SHISA9: variants seen among roughly 807,000 people sequenced by gnomAD.
SHISA9 encodes shisa family member 9.
SHISA9 carries 13 observed loss-of-function variants against 38.0 expected under a neutral mutation model. The ratio of observed to expected loss-of-function variants is 0.34; its 90% CI spans 0.22 to 0.54. SHISA9 has a LOEUF of 0.54. Ranked by LOEUF, SHISA9 falls within the 20% of genes least tolerant of loss-of-function variation. The pLI is 0.91. For missense variants in SHISA9, 538 were observed against 575.8 expected (o/e 0.93, Z 0.67); for synonymous variants, 275 against 242.0 (o/e 1.14, Z -1.27).
intron 2 of SHISA9, among the ~76,000 whole-genome samples, chr16:13,125,469 C>T (rs190123155): frequency 6.6e-5 from 10 of 152,212 alleles, no homozygotes; most frequent in Non-Finnish European, 1.2e-4. Flanking sequence ...TCCTGGCAAA[C>T]GAGGGGTGGT....
the SHISA9 span, among the ~76,000 whole-genome samples, chr16:13,367,671 T>G: frequency 6.8e-6 from 1 of 148,056 alleles, no homozygotes; most frequent in African/African-American, 2.5e-5. Flanking sequence ...AATGAAGATG[T>G]TTCCTGAAGT....
chr16:13,375,765 A>G, the SHISA9 span, among the ~76,000 whole-genome samples: 2 of 152,232 alleles, frequency 1.3e-5, no homozygotes, highest in Admixed American at 1.3e-4. Context: ...AAAGCAACTA[A>G]AGAAGACCTA....
intron 2 of SHISA9, among the ~76,000 whole-genome samples, chr16:13,105,488 A>C (rs2073917321): frequency 6.6e-6 from 1 of 152,128 alleles, no homozygotes; most frequent in East Asian, 1.9e-4. Flanking sequence ...CTTCTCATAG[A>C]GAGGCTTAGA....
chr16:13,497,696 AAAAAAG>A, the SHISA9 span, among the ~76,000 whole-genome samples: 42 of 133,336 alleles, frequency 3.1e-4, no homozygotes, highest in Middle Eastern at 3.9e-3. Context: ...AAAAAAAAAA[AAAAAAG>A]AAAAAAGAAA....
At chr16:13,035,732 T>C (rs1012486268) in intron 2 of SHISA9, among the ~76,000 whole-genome samples, 11 of 152,172 alleles carry the variant, frequency 7.2e-5, no homozygotes, top group Admixed American at 5.9e-4. Context: ...GGTTTTGCCA[T>C]GTTGGCCAGG....
chr16:13,073,748 AG>A (rs1218959998), intron 2 of SHISA9, among the ~76,000 whole-genome samples: 1 of 152,110 alleles, frequency 6.6e-6, no homozygotes, highest in African/African-American at 2.4e-5. Context: ...TTAGAAGAAA[AG>A]GGGAGAGGAT....
intron 2 of SHISA9, among the ~76,000 whole-genome samples, chr16:13,119,763 C>A (rs1030211442): frequency 1.3e-5 from 2 of 152,154 alleles, no homozygotes; most frequent in African/African-American, 4.8e-5. Context: ...ATGGATCTTA[C>A]GTTTAGCTCA....
chr16:12,979,925 C>T (rs933731927), intron 2 of SHISA9, among the ~76,000 whole-genome samples: 1 of 152,090 alleles, frequency 6.6e-6, no homozygotes, highest in African/African-American at 2.4e-5. Flanking sequence ...TATCTATTCT[C>T]AAACTTTAAT....
chr16:12,910,757 G>T (rs1466693712), intron 1 of SHISA9: 3 of 976,518 alleles, frequency 3.1e-6, no homozygotes. Flanking sequence ...TAGAGAAACA[G>T]AACAAATATA....
intron 2 of SHISA9, among the ~76,000 whole-genome samples, chr16:12,972,082 T>C (rs1332572103): frequency 7.0e-6 from 1 of 143,852 alleles, no homozygotes; most frequent in African/African-American, 2.6e-5. Flanking sequence ...TGTGTGTGTG[T>C]TGAGAGGGGC....
At chr16:13,494,863 T>C in the SHISA9 span, among the ~76,000 whole-genome samples, 1 of 152,184 alleles carries the variant, frequency 6.6e-6, no homozygotes, top group Non-Finnish European at 1.5e-5. Context: ...ACAACCCAAA[T>C]GTCCTTTAAT....
At chr16:12,984,926 C>G (rs1315043848) in intron 2 of SHISA9, among the ~76,000 whole-genome samples, 1 of 152,126 alleles carries the variant, frequency 6.6e-6, no homozygotes, top group Admixed American at 6.5e-5. Flanking sequence ...ACTCTGAAGC[C>G]TAATGTATGT....
chr16:12,970,513 T>A (rs1207120550), intron 2 of SHISA9, among the ~76,000 whole-genome samples: 6 of 68,682 alleles, frequency 8.7e-5, no homozygotes, highest in African/African-American at 2.9e-4. Context: ...TTTTTTTTTT[T>A]TTTTTTTTTT....
intron 2 of SHISA9, among the ~76,000 whole-genome samples, chr16:13,184,269 C>G (rs1346457183): frequency 6.6e-6 from 1 of 152,174 alleles, no homozygotes; most frequent in Non-Finnish European, 1.5e-5. Flanking sequence ...TGTTTCCAGA[C>G]TCTATCACCG....
chr16:13,551,119 A>C, the SHISA9 span, among the ~76,000 whole-genome samples: 3 of 138,712 alleles, frequency 2.2e-5, no homozygotes, highest in Non-Finnish European at 3.1e-5. Context: ...GAGAGACTCC[A>C]TCTCGAAAAA....
intron 2 of SHISA9, among the ~76,000 whole-genome samples, chr16:13,006,367 A>G (rs1478767490): frequency 6.6e-6 from 1 of 152,136 alleles, no homozygotes; most frequent in African/African-American, 2.4e-5. Context: ...AAGGGTCTCC[A>G]TCCACTGCCA....
the SHISA9 span, among the ~76,000 whole-genome samples, chr16:13,460,367 A>G: frequency 2.6e-5 from 4 of 152,180 alleles, no homozygotes; most frequent in African/African-American, 9.7e-5. Flanking sequence ...TGTGCTGGAA[A>G]CTTTATGCTC....
intron 2 of SHISA9, among the ~76,000 whole-genome samples, chr16:13,110,923 C>G (rs2073972150): frequency 6.6e-6 from 1 of 152,200 alleles, no homozygotes; most frequent in Admixed American, 6.5e-5. Flanking sequence ...TACGTGGCTT[C>G]TAAGATTTAA....
intron 2 of SHISA9, among the ~76,000 whole-genome samples, chr16:13,135,556 C>T (rs1001403085): frequency 6.6e-6 from 1 of 152,208 alleles, no homozygotes; most frequent in Non-Finnish European, 1.5e-5. Context: ...CCCATGCTAG[C>T]CTGGTTGCAG....
Sources: gnomAD v4.1 joint callset for allele counts (sites outside exome capture counted in the v4.1 genomes callset) on GRCh38, gnomAD v4.1.1 for gene constraint, MANE v1.5 for transcripts, NCBI Gene and HGNC (gene_info 2026-07-23, HGNC 2026-07-21) for gene names.